The following TSHZ1 variants were observed in gnomAD, a reference collection of about 807,000 sequenced individuals.
TSHZ1 encodes teashirt homolog 1.
TSHZ1 carries 12 observed loss-of-function variants against 67.1 expected under a neutral mutation model. The ratio of observed to expected loss-of-function variants is 0.18; its 90% confidence interval spans 0.11 to 0.29. The LOEUF (loss-of-function observed/expected upper bound fraction) is 0.29, where lower values mean the gene tolerates loss of function less well. TSHZ1 is among the 10% of genes least tolerant of loss of function. TSHZ1 has a pLI of 1.00. For missense variants in TSHZ1, 1,305 were observed against 1,413.9 expected (o/e 0.92, Z 1.23); for synonymous variants, 632 against 622.4 (o/e 1.02, Z -0.23).
intron 1 of TSHZ1, among the ~76,000 whole-genome samples, chr18:75,219,461 A>G (rs995330158): frequency 1.3e-5 from 2 of 152,250 alleles, no homozygotes; most frequent in East Asian, 3.8e-4. Flanking sequence ...GACAGCCTCC[A>G]TGATCATTTG....
intron 1 of TSHZ1, among the ~76,000 whole-genome samples, chr18:75,248,719 A>G (rs541328953): frequency 2.0e-5 from 3 of 152,378 alleles, no homozygotes; most frequent in African/African-American, 7.2e-5. Context: ...ACTATGACAT[A>G]TAGATATACG....
At chr18:75,272,861 A>G (rs903429125) in intron 1 of TSHZ1, among the ~76,000 whole-genome samples, 2 of 152,186 alleles carry the variant, frequency 1.3e-5, no homozygotes, top group Non-Finnish European at 2.9e-5. Flanking sequence ...TACTATCCAG[A>G]TGAGTTAGAA....
intron 1 of TSHZ1, among the ~76,000 whole-genome samples, chr18:75,282,283 TGA>T (rs1286671202): frequency 2.0e-5 from 3 of 152,082 alleles, no homozygotes; most frequent in African/African-American, 7.2e-5. Flanking sequence ...CATCACCATG[TGA>T]GATGCCGGGC....
At chr18:75,229,240 G>T (rs968365204) in intron 1 of TSHZ1, among the ~76,000 whole-genome samples, 10 of 152,252 alleles carry the variant, frequency 6.6e-5, no homozygotes, top group Admixed American at 1.3e-4. Context: ...AGTGTGGCTT[G>T]CACTGCAGAG....
At chr18:75,256,016 T>A (rs1242263202) in intron 1 of TSHZ1, among the ~76,000 whole-genome samples, 2 of 152,200 alleles carry the variant, frequency 1.3e-5, no homozygotes, top group East Asian at 3.9e-4. Flanking sequence ...AAGGCAAGAA[T>A]GATAACACTT....
chr18:75,230,517 T>A (rs1004768052), intron 1 of TSHZ1, among the ~76,000 whole-genome samples: 4 of 152,228 alleles, frequency 2.6e-5, no homozygotes, highest in East Asian at 1.9e-4. Flanking sequence ...CATTGTTTTT[T>A]AATTTTTTTC....
intron 1 of TSHZ1, among the ~76,000 whole-genome samples, chr18:75,225,392 G>A (rs1486154802): frequency 3.3e-5 from 5 of 152,248 alleles, no homozygotes; most frequent in African/African-American, 1.2e-4. Flanking sequence ...GAGCTCGCGG[G>A]AGAGTTGGAG....
chr18:75,252,952 T>A (rs2023321930), intron 1 of TSHZ1, among the ~76,000 whole-genome samples: 1 of 152,226 alleles, frequency 6.6e-6, no homozygotes, highest in Admixed American at 6.5e-5. Context: ...AGAATCATTT[T>A]TGTCACACCT....
intron 1 of TSHZ1, among the ~76,000 whole-genome samples, chr18:75,212,584 T>TC (rs1318676671): frequency 6.6e-6 from 1 of 152,204 alleles, no homozygotes; most frequent in East Asian, 1.9e-4. Flanking sequence ...TGATGTGTGA[T>TC]TGATCGCCTG....
chr18:75,220,566 A>G (rs2022833257), intron 1 of TSHZ1, among the ~76,000 whole-genome samples: 2 of 152,232 alleles, frequency 1.3e-5, no homozygotes, highest in African/African-American at 4.8e-5. Flanking sequence ...TTTGTATTTT[A>G]ATTAGGGTTA....
At chr18:75,241,117 T>C (rs1433489864) in intron 1 of TSHZ1, among the ~76,000 whole-genome samples, 1 of 152,216 alleles carries the variant, frequency 6.6e-6, no homozygotes. Context: ...GTCACAGGTA[T>C]TTATTGAGCA....
At chr18:75,272,824 C>G (rs528010297) in intron 1 of TSHZ1, among the ~76,000 whole-genome samples, 1 of 152,298 alleles carries the variant, frequency 6.6e-6, no homozygotes, top group South Asian at 2.1e-4. Context: ...AGTATTTCTA[C>G]CTTTCTCCTA....
intron 1 of TSHZ1, among the ~76,000 whole-genome samples, chr18:75,220,085 C>A (rs2022826592): frequency 6.6e-6 from 1 of 152,166 alleles, no homozygotes; most frequent in African/African-American, 2.4e-5. Context: ...TTTTAAAATC[C>A]AGTGTTAATA....
chr18:75,249,063 T>C (rs372954806), intron 1 of TSHZ1, among the ~76,000 whole-genome samples: 260 of 152,278 alleles, frequency 1.7e-3, no homozygotes, highest in African/African-American at 6.1e-3. Flanking sequence ...CTGTGGTCCC[T>C]GGGCTACTGG....
intron 1 of TSHZ1, among the ~76,000 whole-genome samples, chr18:75,248,858 A>T (rs1014234183): frequency 4.6e-5 from 7 of 151,906 alleles, no homozygotes; most frequent in African/African-American, 1.7e-4. Flanking sequence ...TGTGTGGGGG[A>T]ACGGTTAGAA....
chr18:75,264,448 T>G (rs183725711), intron 1 of TSHZ1, among the ~76,000 whole-genome samples: 26 of 151,922 alleles, frequency 1.7e-4, no homozygotes, highest in African/African-American at 5.8e-4. Flanking sequence ...ATCAACCTCA[T>G]GCTTAGCGTT....
At chr18:75,258,365 A>C (rs1365134989) in intron 1 of TSHZ1, among the ~76,000 whole-genome samples, 2 of 152,222 alleles carry the variant, frequency 1.3e-5, no homozygotes, top group Admixed American at 6.5e-5. Flanking sequence ...TTTCACACTT[A>C]AAATCTCACA....
At chr18:75,270,535 C>T (rs1196713115) in intron 1 of TSHZ1, among the ~76,000 whole-genome samples, 7 of 152,184 alleles carry the variant, frequency 4.6e-5, no homozygotes, top group African/African-American at 1.7e-4. Context: ...AAATACCCTT[C>T]TCTATCCAGG....
intron 1 of TSHZ1, among the ~76,000 whole-genome samples, chr18:75,267,087 G>A (rs1391792783): frequency 6.6e-6 from 1 of 152,036 alleles, no homozygotes; most frequent in Non-Finnish European, 1.5e-5. Flanking sequence ...TTATTTCCTT[G>A]ATTTCAATGG....
Sources: allele counts gnomAD v4.1 joint callset (sites outside exome capture counted in the v4.1 genomes callset), GRCh38; gene constraint gnomAD v4.1.1; transcripts MANE v1.5; gene names NCBI Gene and HGNC (gene_info 2026-07-23, HGNC 2026-07-21).